Variants in AKAP19 observed in about 807,000 individuals in gnomAD.
AKAP19 encodes small A-kinase anchoring protein.
chr2:190,053,553 G>A, the AKAP19 span, among the ~76,000 whole-genome samples: 1 of 152,086 alleles, frequency 6.6e-6, no homozygotes, highest in Non-Finnish European at 1.5e-5. Context: ...AAATAGTATA[G>A]TTTGCTTTGA....
At chr2:190,002,570 TAAAG>T in the AKAP19 span, among the ~76,000 whole-genome samples, 15 of 151,074 alleles carry the variant, frequency 9.9e-5, no homozygotes, top group Non-Finnish European at 2.1e-4. Flanking sequence ...AAGAAAGAAA[TAAAG>T]AAAAAAAACA....
chr2:190,092,785 C>A, the AKAP19 span, among the ~76,000 whole-genome samples: 3,331 of 152,208 alleles, frequency 0.022, 127 homozygotes, highest in African/African-American at 0.076. Context: ...TTTAAGAAAT[C>A]ATTGTCGGTC....
At chr2:190,035,453 C>T in the AKAP19 span, among the ~76,000 whole-genome samples, 32 of 152,070 alleles carry the variant, frequency 2.1e-4, no homozygotes, top group African/African-American at 7.2e-4. Context: ...AGATTATCTT[C>T]GAGATACAGA....
At chr2:190,009,143 G>A in the AKAP19 span, among the ~76,000 whole-genome samples, 2 of 152,200 alleles carry the variant, frequency 1.3e-5, no homozygotes, top group African/African-American at 4.8e-5. Context: ...AGCAGGAATA[G>A]TCAGGGAAGT....
At chr2:190,051,611 A>AATGAGAAG in the AKAP19 span, among the ~76,000 whole-genome samples, 2 of 152,178 alleles carry the variant, frequency 1.3e-5, no homozygotes, top group Admixed American at 1.3e-4. Context: ...CACTCTGGCC[A>AATGAGAAG]ATGAGAAGAT....
the AKAP19 span, among the ~76,000 whole-genome samples, chr2:190,007,443 TTC>T: frequency 9.1e-4 from 138 of 152,254 alleles, 1 homozygote; most frequent in African/African-American, 3.2e-3. Flanking sequence ...TATGGGGAAT[TTC>T]TCTGTTTTCT....
chr2:190,153,275 A>G, the AKAP19 span, among the ~76,000 whole-genome samples: 5 of 152,194 alleles, frequency 3.3e-5, no homozygotes, highest in South Asian at 2.1e-4. Flanking sequence ...ATATCCTGCT[A>G]CTTTGCTGAA....
the AKAP19 span, chr2:190,180,577 G>C: frequency 7.1e-6 from 7 of 985,726 alleles, no homozygotes; most frequent in African/African-American, 3.5e-5. This position sits in a 1 kb window ranked among gnomAD's most constrained non-coding sequence, Gnocchi z 6.8. Context: ...TGGTAGTTGC[G>C]GGGGGCGTGA....
At chr2:190,053,418 G>A in the AKAP19 span, among the ~76,000 whole-genome samples, 1 of 152,152 alleles carries the variant, frequency 6.6e-6, no homozygotes, top group Admixed American at 6.5e-5. Context: ...TATAAACCAT[G>A]CGTGTTATCT....
the AKAP19 span, among the ~76,000 whole-genome samples, chr2:189,989,573 T>A: frequency 3.3e-5 from 5 of 151,742 alleles, no homozygotes; most frequent in African/African-American, 4.8e-5. Flanking sequence ...ACAAAAAAAA[T>A]TGGGGGTAGA....
the AKAP19 span, among the ~76,000 whole-genome samples, chr2:190,103,888 A>G: frequency 6.6e-6 from 1 of 152,234 alleles, no homozygotes; most frequent in Non-Finnish European, 1.5e-5. Context: ...ATCCTAAGCA[A>G]AAACAAAAAC....
At chr2:189,923,491 T>C in the AKAP19 span, 1 of 1,613,980 alleles carries the variant, frequency 6.2e-7, no homozygotes, top group Non-Finnish European at 8.5e-7. Context: ...ATAAGGGCTT[T>C]GCCTTCTTTC....
At chr2:189,927,053 T>A in the AKAP19 span, among the ~76,000 whole-genome samples, 3 of 151,980 alleles carry the variant, frequency 2.0e-5, no homozygotes, top group African/African-American at 7.3e-5. Context: ...CTGGTTAATT[T>A]TTTTTATTTT....
the AKAP19 span, among the ~76,000 whole-genome samples, chr2:189,900,092 C>T: frequency 6.6e-6 from 1 of 152,104 alleles, no homozygotes; most frequent in African/African-American, 2.4e-5. Flanking sequence ...ACTAGAATCA[C>T]TATCTTGCTT....
the AKAP19 span, among the ~76,000 whole-genome samples, chr2:190,159,508 C>T: frequency 0.063 from 9,551 of 152,184 alleles, 380 homozygotes; most frequent in East Asian, 0.11. Context: ...ACTTGGGATG[C>T]GGACTGCTAG....
chr2:190,019,066 C>G, the AKAP19 span, among the ~76,000 whole-genome samples: 3 of 152,184 alleles, frequency 2.0e-5, no homozygotes, highest in African/African-American at 7.2e-5. Flanking sequence ...AGGCTAGGCC[C>G]TAAGGCTAGG....
At chr2:189,950,722 C>A in the AKAP19 span, among the ~76,000 whole-genome samples, 3 of 152,138 alleles carry the variant, frequency 2.0e-5, no homozygotes, top group Non-Finnish European at 4.4e-5. Flanking sequence ...TATATAAATA[C>A]ATAGAGTTCT....
the AKAP19 span, among the ~76,000 whole-genome samples, chr2:190,124,548 A>G: frequency 3.3e-5 from 5 of 152,168 alleles, no homozygotes; most frequent in Non-Finnish European, 7.3e-5. Flanking sequence ...TATCTCTACA[A>G]AAAATAAGGA....
At chr2:190,185,390 G>A in the AKAP19 span, among the ~76,000 whole-genome samples, 2,914 of 152,306 alleles carry the variant, frequency 0.019, 47 homozygotes, top group Non-Finnish European at 0.029. Flanking sequence ...TGTGACTGGA[G>A]GAGGTGGTTA....
Sources: allele counts gnomAD v4.1 joint callset (sites outside exome capture counted in the v4.1 genomes callset), GRCh38; gene constraint gnomAD v4.1.1; non-coding constraint Gnocchi (gnomAD v3.1); transcripts MANE v1.5; gene names NCBI Gene and HGNC (gene_info 2026-07-23, HGNC 2026-07-21).